HIPK2: variants seen among roughly 807,000 people sequenced by gnomAD.
HIPK2 encodes homeodomain interacting protein kinase 2, also known as homeodomain-interacting protein kinase 2.
Under a neutral mutation model 113.7 loss-of-function variants are expected in HIPK2, and 27 were observed. The observed-to-expected ratio is 0.24, with a 90% CI of 0.17 to 0.33. The LOEUF (loss-of-function observed/expected upper bound fraction) is 0.33. HIPK2 is among the 10% of genes least tolerant of loss of function. The pLI is 1.00. For missense variants in HIPK2, 1,257 were observed against 1,588.0 expected (o/e 0.79, Z 3.54); for synonymous variants, 631 against 642.2 (o/e 0.98, Z 0.26).
intron 12 of HIPK2, among the ~76,000 whole-genome samples, chr7:139,586,961 T>C (rs903486045): frequency 6.6e-6 from 1 of 152,146 alleles, no homozygotes; most frequent in Non-Finnish European, 1.5e-5. Context: ...GGGAAGTTAC[T>C]GATTAATGGT....
At chr7:139,668,700 A>G (rs1802149351) in intron 2 of HIPK2, among the ~76,000 whole-genome samples, 1 of 152,232 alleles carries the variant, frequency 6.6e-6, no homozygotes, top group East Asian at 1.9e-4. Flanking sequence ...CTATTCTGTT[A>G]GAGTTTAATG....
chr7:139,701,239 C>T (rs1244253535), intron 2 of HIPK2, among the ~76,000 whole-genome samples: 3 of 152,298 alleles, frequency 2.0e-5, no homozygotes, highest in South Asian at 2.1e-4. Context: ...CTACTTCCAA[C>T]GTGTCCACCT....
intron 1 of HIPK2, among the ~76,000 whole-genome samples, chr7:139,773,697 T>C (rs1298192328): frequency 6.6e-6 from 1 of 152,108 alleles, no homozygotes. Context: ...AAGCACCAAA[T>C]TGTCTTTTGT....
intron 1 of HIPK2, among the ~76,000 whole-genome samples, chr7:139,723,866 G>A (rs772091068): frequency 6.6e-6 from 1 of 152,144 alleles, no homozygotes; most frequent in Non-Finnish European, 1.5e-5. Context: ...ACAGATTACC[G>A]CTCAGAATCC....
chr7:139,596,614 G>A, intron 12 of HIPK2, 103 bp downstream of exon 12: 1 of 1,471,920 alleles, frequency 6.8e-7, no homozygotes, highest in Non-Finnish European at 9.3e-7. Flanking sequence ...GTAAGGGTCA[G>A]AAGAGAGGGA....
chr7:139,611,632 C>G (rs1799828367), intron 9 of HIPK2, among the ~76,000 whole-genome samples: 1 of 152,118 alleles, frequency 6.6e-6, no homozygotes, highest in African/African-American at 2.4e-5. Flanking sequence ...GCTTCAAACT[C>G]CTGGGCTCAA....
chr7:139,637,262 C>T (rs761753063), intron 2 of HIPK2, among the ~76,000 whole-genome samples: 9 of 152,198 alleles, frequency 5.9e-5, no homozygotes, highest in Non-Finnish European at 8.8e-5. Context: ...ACCCCCTTGC[C>T]GTAAGCCTTC....
chr7:139,615,841 TGAGTGGCACA>T (rs1800021455), intron 7 of HIPK2, among the ~76,000 whole-genome samples: 1 of 152,204 alleles, frequency 6.6e-6, no homozygotes, highest in Admixed American at 6.5e-5. Context: ...ATCACGAAAT[TGAGTGGCACA>T]GATGTCTGAT....
intron 12 of HIPK2, 26 bp from the exon 13 acceptor site, chr7:139,584,090 A>T: frequency 6.4e-7 from 1 of 1,554,648 alleles, no homozygotes; most frequent in South Asian, 1.2e-5. Flanking sequence ...GAGAAGTCAG[A>T]GGTGGGAGAA....
intron 9 of HIPK2, among the ~76,000 whole-genome samples, chr7:139,607,136 CA>C (rs1309084429): frequency 1.3e-5 from 2 of 151,890 alleles, no homozygotes; most frequent in African/African-American, 4.8e-5. Context: ...ATTAACCATT[CA>C]AAAGGAGGTT....
At chr7:139,721,773 G>C (rs998624660) in intron 1 of HIPK2, among the ~76,000 whole-genome samples, 1 of 152,172 alleles carries the variant, frequency 6.6e-6, no homozygotes, top group Non-Finnish European at 1.5e-5. Context: ...TACTGGACTT[G>C]GGAGGGCAAG....
chr7:139,590,611 T>C (rs573449389), intron 12 of HIPK2, among the ~76,000 whole-genome samples: 2 of 152,356 alleles, frequency 1.3e-5, no homozygotes, highest in South Asian at 2.1e-4. Context: ...GTAACATTTA[T>C]TGGATGCATA....
At chr7:139,656,900 T>G (rs1219788164) in intron 2 of HIPK2, among the ~76,000 whole-genome samples, 1 of 151,942 alleles carries the variant, frequency 6.6e-6, no homozygotes, top group Non-Finnish European at 1.5e-5. Context: ...AGATGGAGTC[T>G]TGCTCTGTCA....
At position 139,756,393 on chromosome 7, in the gene HIPK2, A is replaced by G. The variant is rs567371516; in HGVS notation, c.19+21212T>C. ...CTGTGTTCTCTCTCACTCTTTTTAAAAATTACTAGACTTTATTTAGTTTTT... is the reference window on the plus strand; with the variant it reads ...CTGTGTTCTCTCTCACTCTTTTTAAGAATTACTAGACTTTATTTAGTTTTT... On this transcript the variant is annotated intron_variant, in intron 1 of 14. Coordinates refer to ENST00000406875, the MANE Select transcript of HIPK2 (RefSeq NM_022740.5). 7.9e-5 allele frequency among the ~76,000 whole-genome samples: 12 copies of G among 152,292 alleles called. No individual in the cohort carries two copies. The South Asian group carries it at 2.5e-3, about 32-fold the overall frequency.
chr7:139,748,886 G>A (rs1176753418), intron 1 of HIPK2, among the ~76,000 whole-genome samples: 2 of 152,134 alleles, frequency 1.3e-5, no homozygotes, highest in Non-Finnish European at 2.9e-5. Context: ...GAAAAGATTT[G>A]TAAGAAATTA....
rs1379026905 is a variant in HIPK2, at chr7:139,565,738, CAGAA to C, written c.*7185_*7188del. 2 of 133,684 alleles carry C rather than the reference CAGAA, an allele frequency of 1.5e-5. No homozygotes were observed. The highest frequency in any genetic ancestry group is 3.2e-5 in the Non-Finnish European group (2 of 63,312). 8.3% of individuals were successfully genotyped at this position (133,684 alleles called of 1,614,324 possible). A position where few individuals can be genotyped will look rare whatever the true frequency, so the allele number is the denominator to read the frequency against. ...TTTCTTTTTTTTTTCTTTTTTTTAA[CAGAA>C]AGAAAAAAGTTCCTGGACACCAGAC... On this transcript the variant is annotated 3_prime_UTR_variant, in exon 15 of 15. Coordinates refer to ENST00000406875, the MANE Select transcript of HIPK2 (RefSeq NM_022740.5).
At chr7:139,772,960 A>C (rs1796678395) in intron 1 of HIPK2, among the ~76,000 whole-genome samples, 1 of 151,684 alleles carries the variant, frequency 6.6e-6, no homozygotes, top group Non-Finnish European at 1.5e-5. Flanking sequence ...AAAAAGGAGA[A>C]GAAAAAATTC....
Position 139,666,670 on chromosome 7 carries a change from T to A in HIPK2, c.1104-34945A>T, listed in dbSNP as rs936712756. On this transcript the variant is annotated intron_variant, in intron 2 of 14. Transcript: ENST00000406875. ...GACACCATATTTTGGGGATATGGAC[T>A]GATGCCTTCTAGTCCTCCATAAAGT... is the stretch of plus-strand genomic sequence containing the variant. 5.3e-5 allele frequency among the ~76,000 whole-genome samples: 8 copies of A among 152,212 alleles called. 1 individual carries two copies. Among genetic ancestry groups the A allele is most frequent in the Non-Finnish European group, 1.5e-5 (1 of 68,026 alleles).
At chr7:139,752,407 G>A (rs996228955) in intron 1 of HIPK2, among the ~76,000 whole-genome samples, 1 of 152,092 alleles carries the variant, frequency 6.6e-6, no homozygotes, top group Non-Finnish European at 1.5e-5. Context: ...CCCTCTGTCC[G>A]GCCGTGCAGA....
Sources: gnomAD v4.1 joint callset for allele counts (sites outside exome capture counted in the v4.1 genomes callset) on GRCh38, gnomAD v4.1.1 for gene constraint, MANE v1.5 for transcripts, NCBI Gene and HGNC (gene_info 2026-07-23, HGNC 2026-07-21) for gene names.